Variants in MITF observed in about 807,000 individuals in gnomAD.
MITF encodes melanocyte inducing transcription factor.
Under a neutral mutation model 60.5 loss-of-function variants are expected in MITF, and 17 were observed. The ratio of observed to expected loss-of-function variants is 0.28; its 90% CI spans 0.19 to 0.42. The LOEUF (loss-of-function observed/expected upper bound fraction) is 0.42, where lower values mean the gene tolerates loss of function less well. Ranked by LOEUF, MITF falls within the 10% of genes least tolerant of loss-of-function variation. MITF has a pLI of 1.00. For synonymous variants in MITF, 260 were observed against 248.5 expected, an observed-to-expected ratio of 1.05 and a Z score of -0.43; for missense variants, 622 against 683.5, an observed-to-expected ratio of 0.91 and a Z score of 1.00.
rs2063043540 is a variant in MITF at position 69,808,300 on chromosome 3, C to T, written c.104+68599C>T. On this transcript the variant is annotated intron_variant, in intron 1 of 9. Coordinates refer to ENST00000352241, the MANE Select transcript of MITF (RefSeq NM_001354604.2). ...GTACAAGTTTTAGTTCAGTTATATG[C>T]CTTTGAGAGTCAAGGGGGGCACTTT... is the stretch of plus-strand genomic sequence containing the variant. Among the ~76,000 whole-genome samples the T allele has an allele frequency of 4.6e-5, 7 of 151,922 alleles. No individual in the cohort carries two copies. The South Asian group carries it at 6.2e-4, about 14-fold the overall frequency.
intron 1 of MITF, among the ~76,000 whole-genome samples, chr3:69,749,968 G>A (rs1242720358): frequency 6.6e-6 from 1 of 152,206 alleles, no homozygotes; most frequent in Non-Finnish European, 1.5e-5. Flanking sequence ...GCTTTAAATT[G>A]TTGATTCAGC....
intron 1 of MITF, among the ~76,000 whole-genome samples, chr3:69,858,408 A>G (rs1195734507): frequency 2.6e-5 from 4 of 152,134 alleles, no homozygotes; most frequent in African/African-American, 9.7e-5. Context: ...AGATGCTTTA[A>G]AAGTTTGAGA....
At chr3:69,872,065 A>T (rs1296013691) in intron 1 of MITF, among the ~76,000 whole-genome samples, 1 of 152,156 alleles carries the variant, frequency 6.6e-6, no homozygotes, top group East Asian at 1.9e-4. Flanking sequence ...GAAAAACAGA[A>T]AACTTGAGTG....
At chr3:69,948,712 C>A (rs561612660) in intron 5 of MITF, among the ~76,000 whole-genome samples, 3 of 152,054 alleles carry the variant, frequency 2.0e-5, no homozygotes, top group African/African-American at 7.3e-5. Context: ...ATTTCCTGAA[C>A]ACCCACTGTT....
chr3:69,945,681 T>G (rs1425117531), intron 5 of MITF, among the ~76,000 whole-genome samples: 6 of 152,216 alleles, frequency 3.9e-5, no homozygotes, highest in Non-Finnish European at 8.8e-5. Flanking sequence ...AATGTGGAAC[T>G]GTTGACATTT....
At chr3:69,907,781 G>C (rs1338149363) in intron 2 of MITF, among the ~76,000 whole-genome samples, 2 of 152,128 alleles carry the variant, frequency 1.3e-5, no homozygotes, top group African/African-American at 4.8e-5. Context: ...GACATTTTAA[G>C]TGTATGAGGG....
At chr3:69,851,583 T>C (rs1424241003) in intron 1 of MITF, among the ~76,000 whole-genome samples, 1 of 152,168 alleles carries the variant, frequency 6.6e-6, no homozygotes, top group Non-Finnish European at 1.5e-5. Context: ...TATGATTCCA[T>C]TTATATGACA....
At chr3:69,742,310 C>T (rs907206238) in intron 1 of MITF, among the ~76,000 whole-genome samples, 1 of 152,136 alleles carries the variant, frequency 6.6e-6, no homozygotes, top group Non-Finnish European at 1.5e-5. Context: ...TGCTAAACAT[C>T]TTACAGTGCA....
intron 1 of MITF, among the ~76,000 whole-genome samples, chr3:69,872,534 G>A (rs933246582): frequency 1.3e-5 from 2 of 152,142 alleles, no homozygotes; most frequent in Non-Finnish European, 2.9e-5. Flanking sequence ...AAAAATGAAA[G>A]TGATAATATA....
In MITF at chr3:69,939,009, T is replaced by C; in HGVS notation, c.583-89T>C. ...TTGTTTGAAAGCTTAGTTCATCTTGTTGCTGTGCCATCAGCTTTGTGTGAA... is the reference window on the plus strand; with the variant it reads ...TTGTTTGAAAGCTTAGTTCATCTTGCTGCTGTGCCATCAGCTTTGTGTGAA... On this transcript the variant is annotated intron_variant, in intron 3 of 9. Transcript: ENST00000352241. 11 of 1,562,666 alleles carry C rather than the reference T, an allele frequency of 7.0e-6. No homozygotes were observed. In the South Asian group the frequency reaches 1.1e-4, roughly 15 times the overall value.
At chr3:69,885,113 G>T (rs2064580763) in intron 2 of MITF, among the ~76,000 whole-genome samples, 1 of 152,030 alleles carries the variant, frequency 6.6e-6, no homozygotes, top group Non-Finnish European at 1.5e-5. Context: ...TCAGGTTGTG[G>T]ATAGGGCCTG....
chr3:69,961,727 AAAAC>A (rs1315761340), intron 9 of MITF, among the ~76,000 whole-genome samples: 1 of 152,230 alleles, frequency 6.6e-6, no homozygotes, highest in Non-Finnish European at 1.5e-5. Context: ...TCCGTCTCAA[AAAAC>A]AAACAAAAAA....
chr3:69,744,175 C>T lies in MITF; in HGVS notation c.104+4474C>T, dbSNP rs536256966. Among the ~76,000 whole-genome samples, 11 of 152,328 alleles carry T rather than the reference C, an allele frequency of 7.2e-5. No individual in the cohort carries two copies. The South Asian group carries it at 8.3e-4, about 11-fold the overall frequency. ...GAAAGACAAAGACTGTTGCGTCACA[C>T]GCATACCTACATATATTTGGGTGTA... On this transcript the variant is annotated intron_variant, in intron 1 of 9. Transcript: ENST00000352241.
chr3:69,751,326 A>G (rs1029438852), intron 1 of MITF, among the ~76,000 whole-genome samples: 9 of 152,238 alleles, frequency 5.9e-5, no homozygotes, highest in African/African-American at 2.2e-4. Flanking sequence ...GTGACCAGCC[A>G]GCATCTGTTT....
At chr3:69,892,692 G>T (rs1481821050) in intron 2 of MITF, among the ~76,000 whole-genome samples, 1 of 152,128 alleles carries the variant, frequency 6.6e-6, no homozygotes, top group African/African-American at 2.4e-5. Context: ...TTACAAAATT[G>T]GATTTAGATA....
chr3:69,758,837 TG>T, intron 1 of MITF: 1 of 211,416 alleles, frequency 4.7e-6, no homozygotes, highest in East Asian at 7.1e-5. Flanking sequence ...TTGTTAGCTA[TG>T]AGCCCTTGCC....
At chr3:69,904,594 C>A (rs934423904) in intron 2 of MITF, among the ~76,000 whole-genome samples, 2 of 152,224 alleles carry the variant, frequency 1.3e-5, no homozygotes, top group East Asian at 1.9e-4. Context: ...TCACTCCTTC[C>A]GTAGAATTTG....
rs1559733205 is a variant in MITF, at chr3:69,937,993, A to G, written c.526A>G (p.Ser176Gly). 1 of 1,614,196 alleles carries G rather than the reference A, an allele frequency of 6.2e-7. No homozygotes were observed. Among genetic ancestry groups the G allele is most frequent in the Non-Finnish European group, 8.5e-7 (1 of 1,180,008 alleles). The change falls in exon 3 of 10, where the codon AGC (serine) becomes GGC (glycine). Residue 176 changes from serine (S) to glycine (G), a missense_variant. By Grantham distance (56) the Ser-to-Gly change is moderately conservative. This residue lies in a region of MITF where 215 missense variants were observed against 224.8 expected (regional missense o/e 0.96). Transcript: ENST00000352241. ...DHVMPPVPGS[S>G]APNSPMAMLT... ...TGTCATGCCACCGGTGCCGGGGAGCAGCGCACCCAACAGCCCCATGGCTAT... is the reference window on the plus strand; with the variant it reads ...TGTCATGCCACCGGTGCCGGGGAGCGGCGCACCCAACAGCCCCATGGCTAT...
At chr3:69,800,260 T>C (rs2062897166) in intron 1 of MITF, among the ~76,000 whole-genome samples, 1 of 152,212 alleles carries the variant, frequency 6.6e-6, no homozygotes, top group African/African-American at 2.4e-5. Flanking sequence ...GATTCAGCCT[T>C]GAAAGGAATG....
Sources: gnomAD v4.1 joint callset for allele counts (sites outside exome capture counted in the v4.1 genomes callset) on GRCh38, gnomAD v4.1.1 for gene constraint, gnomAD v4.1.1 regional missense constraint, MANE v1.5 for transcripts, NCBI Gene and HGNC (gene_info 2026-07-23, HGNC 2026-07-21) for gene names.